Variants in DAGLA observed in about 807,000 individuals in gnomAD.
DAGLA encodes diacylglycerol lipase alpha.
In DAGLA, 22 loss-of-function variants were observed where a neutral mutation model predicts 102.6. That is an observed-to-expected ratio of 0.21 (90% CI 0.15 to 0.31). DAGLA has a LOEUF of 0.31. Among genes scored for constraint, DAGLA ranks in the 10% least tolerant of loss-of-function variants. The pLI is 1.00. For synonymous variants in DAGLA, 578 were observed against 628.9 expected (o/e 0.92, Z 1.21); for missense variants, 927 against 1,446.6 (o/e 0.64, Z 5.83).
chr11:61,744,743 G>C lies in DAGLA; in HGVS notation c.*254G>C. 1 of 445,018 alleles carries C rather than the reference G, an allele frequency of 2.2e-6. No individual in the cohort carries two copies. The highest frequency in any genetic ancestry group is 4.0e-6 in the Non-Finnish European group (1 of 251,050). The allele number at this position is 445,018 out of a possible 1,614,324, so 27.6% of individuals were successfully genotyped here. ...TGTGGAGTGGGGAGGAGCCTGGGCA[G>C]CCTGCTGGGTGGGCCACACTCAGCC... On this transcript the variant is annotated 3_prime_UTR_variant, in exon 20 of 20. Coordinates refer to ENST00000257215, the MANE Select transcript of DAGLA (RefSeq NM_006133.3).
Position 61,726,035 on chromosome 11 carries a change from C to A in DAGLA, c.589C>A (p.Arg197=), listed in dbSNP as rs373451020. The A allele has an allele frequency of 6.2e-7, 1 of 1,613,442 alleles. No individual in the cohort carries two copies. The highest frequency in any genetic ancestry group is 1.1e-5 in the South Asian group (1 of 91,084). ...GGGTCAAGCCACCAGCTGGTCGCGC[C>A]GGCTCAAAGTGTTCCTCTGCTGCAC... is the stretch of plus-strand genomic sequence containing the variant. ...EEGQATSWSR[R]LKVFLCCTRT... Residue 197 remains arginine (R), a synonymous_variant, in exon 6 of 20, where the codon CGG becomes AGG. Coordinates refer to ENST00000257215, the MANE Select transcript of DAGLA (RefSeq NM_006133.3).
chr11:61,695,489 C>A (rs913277529), intron 1 of DAGLA, among the ~76,000 whole-genome samples: 3 of 152,206 alleles, frequency 2.0e-5, no homozygotes, highest in Non-Finnish European at 4.4e-5. Flanking sequence ...CGGGGAGGAG[C>A]AGTGGGAGCT....
intron 1 of DAGLA, among the ~76,000 whole-genome samples, chr11:61,697,002 C>T (rs2065072661): frequency 6.6e-6 from 1 of 152,074 alleles, no homozygotes; most frequent in Non-Finnish European, 1.5e-5. Flanking sequence ...GATGGCATAG[C>T]AGGGGATGGT....
intron 1 of DAGLA, among the ~76,000 whole-genome samples, chr11:61,714,649 G>A (rs375743972): frequency 9.2e-5 from 14 of 152,204 alleles, no homozygotes; most frequent in African/African-American, 3.4e-4. Context: ...TTGGGGGCTT[G>A]GGTTGTGTGT....
At chr11:61,691,990 G>A (rs654510) in intron 1 of DAGLA, among the ~76,000 whole-genome samples, 2,553 of 152,284 alleles carry the variant, frequency 0.017, 93 homozygotes, top group African/African-American at 0.059. Flanking sequence ...GCTTGCCAAC[G>A]CAGATTCCAG....
At chr11:61,737,814 C>T (rs1318513412) in intron 15 of DAGLA, 59 bp downstream of exon 15, 1 of 1,408,800 alleles carries the variant, frequency 7.1e-7, no homozygotes, top group Admixed American at 1.7e-5. Flanking sequence ...TCCTCCAGGC[C>T]TCTCCCCACC....
intron 3 of DAGLA, among the ~76,000 whole-genome samples, 164 bp from the exon 4 acceptor site, chr11:61,722,695 C>A (rs2065293900): frequency 6.6e-6 from 1 of 152,112 alleles, no homozygotes; most frequent in Non-Finnish European, 1.5e-5. Flanking sequence ...GGGCTTGGGG[C>A]CTGGGAGGCG....
chr11:61,720,541 G>A, intron 2 of DAGLA, 138 bp from the exon 3 acceptor site: 1 of 807,650 alleles, frequency 1.2e-6, no homozygotes, highest in East Asian at 2.7e-5. Flanking sequence ...ATGCCAGGTG[G>A]ACAATGGTCT....
intron 1 of DAGLA, among the ~76,000 whole-genome samples, chr11:61,713,089 G>A (rs1202921902): frequency 2.0e-5 from 3 of 152,174 alleles, no homozygotes; most frequent in South Asian, 2.1e-4. Context: ...AGCCTGCTCC[G>A]TGGAATTCCC....
intron 1 of DAGLA, among the ~76,000 whole-genome samples, chr11:61,696,168 G>A (rs1223469606): frequency 6.6e-6 from 1 of 152,204 alleles, no homozygotes; most frequent in Non-Finnish European, 1.5e-5. Context: ...ACCCCGTTCC[G>A]TAGGTGTCAG....
chr11:61,738,711 G>A (rs1473806791), intron 16 of DAGLA, among the ~76,000 whole-genome samples: 1 of 152,118 alleles, frequency 6.6e-6, no homozygotes, highest in African/African-American at 2.4e-5. Flanking sequence ...CAGGTCTCTG[G>A]AGGACACTGG....
chr11:61,714,677 C>T (rs771774735), intron 1 of DAGLA, among the ~76,000 whole-genome samples: 37 of 152,146 alleles, frequency 2.4e-4, no homozygotes, highest in Admixed American at 3.9e-4. Context: ...CTGGCAGTGA[C>T]GCTGCTGGGA....
intron 5 of DAGLA, among the ~76,000 whole-genome samples, chr11:61,725,296 A>G (rs1311194711): frequency 6.6e-5 from 10 of 152,158 alleles, no homozygotes; most frequent in Admixed American, 6.5e-4. Context: ...GCCTTTGGGT[A>G]CAGACTCCTG....
Position 61,708,871 on chromosome 11 carries a change from G to A in DAGLA, c.-44-11241G>A, listed in dbSNP as rs551098604. ...CCGGGTCCAGTCCTGTCCTCCACCC[G>A]GCAGCAGGGGCCTTCTGAGCCCCTG... On this transcript the variant is annotated intron_variant, in intron 1 of 19. Coordinates refer to ENST00000257215, the MANE Select transcript of DAGLA (RefSeq NM_006133.3). 7.2e-5 allele frequency among the ~76,000 whole-genome samples: 11 copies of A among 152,264 alleles called. No homozygotes were observed. In the East Asian group the frequency reaches 7.7e-4, roughly 11 times the overall value.
At chr11:61,699,689 G>C (rs1443494249) in intron 1 of DAGLA, among the ~76,000 whole-genome samples, 1 of 152,230 alleles carries the variant, frequency 6.6e-6, no homozygotes, top group Non-Finnish European at 1.5e-5. Context: ...GCCCCTCCGG[G>C]GAGTACAGTG....
chr11:61,724,590 T>C (rs2065309281), intron 5 of DAGLA, among the ~76,000 whole-genome samples: 1 of 152,150 alleles, frequency 6.6e-6, no homozygotes, highest in African/African-American at 2.4e-5. Flanking sequence ...CGTCCCACCC[T>C]CCTGCACTGC....
chr11:61,730,970 G>T (rs2065368733), intron 8 of DAGLA, among the ~76,000 whole-genome samples: 1 of 152,170 alleles, frequency 6.6e-6, no homozygotes, highest in African/African-American at 2.4e-5. Flanking sequence ...TTGCCGAGGT[G>T]GGGGGATTAC....
intron 15 of DAGLA, 116 bp downstream of exon 15, chr11:61,737,871 C>T (rs1428748780): frequency 6.4e-6 from 6 of 938,298 alleles, no homozygotes; most frequent in Non-Finnish European, 1.0e-5. Context: ...TCTCAAGGGA[C>T]CCCACGCCCC....
At position 61,735,552 on chromosome 11, in the gene DAGLA, G is replaced by A. The variant is rs201680805; in HGVS notation, c.1129-9G>A. On this transcript the variant is annotated splice_polypyrimidine_tract_variant and intron_variant, in intron 10 of 19. Transcript: ENST00000257215. ...GGCCGCTCAGGCTCACGAGCTGCCC[G>A]CCTCCTAGGTCTATGAAACGCCCTT... 203 of 1,613,602 alleles carry A rather than the reference G, an allele frequency of 1.3e-4. No homozygotes were observed. The highest frequency in any genetic ancestry group is 2.3e-4 in the African/African-American group (17 of 75,016).
Sources: gnomAD v4.1 joint callset for allele counts (sites outside exome capture counted in the v4.1 genomes callset) on GRCh38, gnomAD v4.1.1 for gene constraint, MANE v1.5 for transcripts, NCBI Gene and HGNC (gene_info 2026-07-23, HGNC 2026-07-21) for gene names.